DIP2B: variants seen among roughly 807,000 people sequenced by gnomAD.
DIP2B encodes DIP2 acetate--CoA ligase B (putative), also known as disco-interacting protein 2 homolog B.
A neutral mutation model predicts 198.0 loss-of-function variants in DIP2B; 76 were observed. The ratio of observed to expected loss-of-function variants is 0.38; its 90% CI spans 0.32 to 0.46. The LOEUF is 0.46. DIP2B is among the 20% of genes least tolerant of loss of function. The pLI is 0.99. For missense variants in DIP2B, 1,559 were observed against 1,978.4 expected, an observed-to-expected ratio of 0.79 and a Z score of 4.02; for synonymous variants, 701 against 739.1, an observed-to-expected ratio of 0.95 and a Z score of 0.84.
At chr12:50,737,989 C>T (rs1394923990) in intron 35 of DIP2B, among the ~76,000 whole-genome samples, 1 of 152,116 alleles carries the variant, frequency 6.6e-6, no homozygotes, top group East Asian at 1.9e-4. Flanking sequence ...CACTTACAAG[C>T]TTCTCAGTAT....
intron 1 of DIP2B, among the ~76,000 whole-genome samples, chr12:50,589,594 T>G (rs1294912266): frequency 2.0e-5 from 3 of 152,024 alleles, no homozygotes; most frequent in African/African-American, 7.2e-5. Flanking sequence ...AGGGAAAGTG[T>G]TTTTTAGGCA....
chr12:50,741,293 G>T (rs902271064), intron 36 of DIP2B, 123 bp from the exon 37 acceptor site: 4 of 1,239,720 alleles, frequency 3.2e-6, no homozygotes, highest in Non-Finnish European at 4.4e-6. Flanking sequence ...TTTGCCCAGA[G>T]TTACACAGTT....
chr12:50,605,398 A>G (rs917031635), intron 1 of DIP2B, among the ~76,000 whole-genome samples: 7 of 152,126 alleles, frequency 4.6e-5, no homozygotes, highest in Non-Finnish European at 1.0e-4. Context: ...CCTGGGCAAC[A>G]TGGCGAAATA....
At chr12:50,580,496 A>G (rs920374947) in intron 1 of DIP2B, among the ~76,000 whole-genome samples, 3 of 142,264 alleles carry the variant, frequency 2.1e-5, no homozygotes, top group Non-Finnish European at 1.5e-5. Flanking sequence ...TTTATTATCT[A>G]TATTTTTACT....
At chr12:50,511,902 C>A (rs983137131) in intron 1 of DIP2B, among the ~76,000 whole-genome samples, 1 of 136,806 alleles carries the variant, frequency 7.3e-6, no homozygotes, top group Non-Finnish European at 1.5e-5. Flanking sequence ...GAGCCGAGAT[C>A]GCGTCACTGC....
intron 1 of DIP2B, among the ~76,000 whole-genome samples, chr12:50,559,177 A>G (rs1958496280): frequency 6.6e-6 from 1 of 152,212 alleles, no homozygotes; most frequent in South Asian, 2.1e-4. Context: ...CCCAAGGGAC[A>G]GACTTCTTAT....
intron 1 of DIP2B, among the ~76,000 whole-genome samples, chr12:50,505,926 CTT>C (rs1957964851): frequency 6.6e-6 from 1 of 151,112 alleles, no homozygotes; most frequent in Admixed American, 6.6e-5. Flanking sequence ...CTTTTGGAGT[CTT>C]TGATGAAGGA....
rs143179386 is a variant in DIP2B at position 50,560,472 on chromosome 12, G to A, written c.100+55232G>A. Among the ~76,000 whole-genome samples the A allele has an allele frequency of 8.5e-3, 1,299 of 152,290 alleles. 11 individuals are homozygous for A. The highest frequency in any genetic ancestry group is 0.03 in the African/African-American group (1,261 of 41,550). On this transcript the variant is annotated intron_variant, in intron 1 of 37. Coordinates refer to ENST00000301180, the MANE Select transcript of DIP2B (RefSeq NM_173602.3). ...AATCCCAGCTACTTGGGAGGCTGAG[G>A]CAGGAGAATCACTTGAACCTGGGAG...
intron 22 of DIP2B, among the ~76,000 whole-genome samples, chr12:50,712,114 G>A (rs1333503536): frequency 6.6e-6 from 1 of 152,178 alleles, no homozygotes; most frequent in Non-Finnish European, 1.5e-5. Flanking sequence ...GTTATAGTGA[G>A]CTGTGGTCAT....
intron 1 of DIP2B, among the ~76,000 whole-genome samples, chr12:50,559,617 C>T (rs886471132): frequency 3.3e-5 from 5 of 151,632 alleles, no homozygotes; most frequent in Non-Finnish European, 7.4e-5. Flanking sequence ...CCTATAGTTC[C>T]AGCTACTTGG....
At chr12:50,716,949 G>GTAGCCTATCCTAGATTTACC (rs1565880531) in intron 23 of DIP2B, among the ~76,000 whole-genome samples, 1 of 133,652 alleles carries the variant, frequency 7.5e-6, no homozygotes, top group African/African-American at 2.8e-5. Context: ...CTAGATTTAC[G>GTAGCCTATCCTAGATTTACC]AATTGTTGCT....
chr12:50,686,102 C>A, intron 11 of DIP2B, 146 bp downstream of exon 11: 1 of 872,946 alleles, frequency 1.1e-6, no homozygotes, highest in Non-Finnish European at 1.6e-6. Context: ...TTATTATCCC[C>A]ATTTTACAAG....
chr12:50,694,444 G>A (rs552057432), intron 14 of DIP2B, among the ~76,000 whole-genome samples: 2 of 151,950 alleles, frequency 1.3e-5, no homozygotes, highest in East Asian at 3.9e-4. Flanking sequence ...GCAGTGAGCC[G>A]AGATCGCACC....
At chr12:50,743,697 A>G (rs1329751630) in intron 37 of DIP2B, 1 of 152,164 alleles carries the variant, frequency 6.6e-6, no homozygotes, top group Admixed American at 6.5e-5. Flanking sequence ...ACAAAAGAAT[A>G]TTTTATTAGT....
At chr12:50,601,686 G>A (rs931916735) in intron 1 of DIP2B, among the ~76,000 whole-genome samples, 15 of 151,746 alleles carry the variant, frequency 9.9e-5, no homozygotes, top group African/African-American at 3.4e-4. Flanking sequence ...TTTGTATTTG[G>A]TTTTTATACT....
chr12:50,623,838 TAGC>T (rs1170126720), intron 1 of DIP2B, among the ~76,000 whole-genome samples: 1 of 152,144 alleles, frequency 6.6e-6, no homozygotes, highest in East Asian at 1.9e-4. Flanking sequence ...TGCAGGTTGT[TAGC>T]AGCATCCCTG....
At chr12:50,731,591 C>A in intron 31 of DIP2B, 54 bp downstream of exon 31, 1 of 1,561,210 alleles carries the variant, frequency 6.4e-7, no homozygotes, top group Non-Finnish European at 8.7e-7. Flanking sequence ...AAGAAATGCG[C>A]CAGGACGTAA....
chr12:50,524,328 G>A (rs1593578439), intron 1 of DIP2B, among the ~76,000 whole-genome samples: 1 of 152,006 alleles, frequency 6.6e-6, no homozygotes, highest in South Asian at 2.1e-4. Flanking sequence ...TGCAAATTAG[G>A]TCATATTACT....
chr12:50,551,955 G>A (rs1051563619), intron 1 of DIP2B, among the ~76,000 whole-genome samples: 3 of 152,142 alleles, frequency 2.0e-5, no homozygotes, highest in African/African-American at 7.2e-5. Context: ...TAATATGGTA[G>A]CTCTATTTTT....
Sources: allele counts gnomAD v4.1 joint callset (sites outside exome capture counted in the v4.1 genomes callset), GRCh38; gene constraint gnomAD v4.1.1; transcripts MANE v1.5; gene names NCBI Gene and HGNC (gene_info 2026-07-23, HGNC 2026-07-21).